The following DMGDH variants were observed in gnomAD, a reference collection of about 807,000 sequenced individuals.
The protein encoded by DMGDH is dimethylglycine dehydrogenase.
In DMGDH, 76 loss-of-function variants were observed where a neutral mutation model predicts 95.2. That is an observed-to-expected ratio of 0.80 (90% CI 0.66 to 0.97). The LOEUF is 0.97. Ranked by LOEUF, DMGDH falls within the 50% of genes least tolerant of loss-of-function variation. The pLI is 0.00. For synonymous variants in DMGDH, 345 were observed against 377.6 expected, an observed-to-expected ratio of 0.91 and a Z score of 1.00; for missense variants, 987 against 1,055.0, an observed-to-expected ratio of 0.94 and a Z score of 0.89.
chr5:79,053,648 C>G (rs1754933039), intron 4 of DMGDH, among the ~76,000 whole-genome samples: 1 of 152,046 alleles, frequency 6.6e-6, no homozygotes, highest in Non-Finnish European at 1.5e-5. Context: ...GGAATTATTA[C>G]CCACTAGGAA....
At chr5:79,044,126 C>T (rs529933654) in intron 6 of DMGDH, among the ~76,000 whole-genome samples, 178 bp downstream of exon 6, 1 of 152,354 alleles carries the variant, frequency 6.6e-6, no homozygotes, top group Non-Finnish European at 1.5e-5. Flanking sequence ...CTACTCCCTG[C>T]TGTGATTGTT....
At chr5:79,056,892 C>A (rs1755049019) in intron 2 of DMGDH, among the ~76,000 whole-genome samples, 1 of 152,186 alleles carries the variant, frequency 6.6e-6, no homozygotes, top group South Asian at 2.1e-4. Context: ...GAATGGCATA[C>A]AATGTGGATT....
intron 2 of DMGDH, among the ~76,000 whole-genome samples, chr5:79,056,246 G>A (rs4318760): frequency 0.6 from 91,252 of 151,948 alleles, 27,962 homozygotes; most frequent in East Asian, 0.78. Flanking sequence ...ATAGTCCTAT[G>A]TATGACTATA....
At chr5:79,045,140 A>G (rs978613600) in intron 5 of DMGDH, among the ~76,000 whole-genome samples, 6 of 152,218 alleles carry the variant, frequency 3.9e-5, no homozygotes, top group African/African-American at 1.4e-4. Flanking sequence ...GAGAAAGCAC[A>G]TTAAGTTTTA....
At position 79,044,500 on chromosome 5, in the gene DMGDH, A is replaced by T. The variant is rs746699361; in HGVS notation, c.798T>A (p.Ile266=). The T allele has an allele frequency of 1.9e-6, 3 of 1,614,166 alleles. No individual in the cohort carries two copies. The highest frequency in any genetic ancestry group is 2.5e-6 in the Non-Finnish European group (3 of 1,180,026). Residue 266 remains isoleucine, a synonymous_variant, in exon 6 of 16, where the codon ATT becomes ATA. Transcript: ENST00000255189. Reference sequence around the variant, plus strand: ...TAACAACATATTGATGTTGAACCGGAATGAGAGGATGTTCTAGTCCAATCA... The same window carrying T: ...TAACAACATATTGATGTTGAACCGGTATGAGAGGATGTTCTAGTCCAATCA... ...GKMIGLEHPL[I]PVQHQYVVTS... is the part of the protein sequence containing the mutation.
At chr5:79,016,050 T>C (rs919203219) in intron 14 of DMGDH, among the ~76,000 whole-genome samples, 1 of 151,990 alleles carries the variant, frequency 6.6e-6, no homozygotes, top group African/African-American at 2.4e-5. Flanking sequence ...TTGGCCAACA[T>C]GGTGAAACCC....
In DMGDH at chr5:79,031,099, CGGGCAGCGGGGAGTG is replaced by C. The variant is rs3214458; in HGVS notation, c.1518-116_1518-102del. On this transcript the variant is annotated intron_variant, in intron 9 of 15. Coordinates refer to ENST00000255189, the MANE Select transcript of DMGDH (RefSeq NM_013391.3). ...AGCCCTACTCATCTAGAAAATCCTA[CGGGCAGCGGGGAGTG>C]GGACTATGGGAGGCGAGACCATGCA... 364,044 of 1,298,362 alleles carry C rather than the reference CGGGCAGCGGGGAGTG, an allele frequency of 0.28. 53,869 individuals are homozygous for C. Among genetic ancestry groups the C allele is most frequent in the African/African-American group, 0.47 (32,128 of 68,032 alleles). The allele number at this position is 1,298,362 out of a possible 1,614,324, so 80.4% of individuals were successfully genotyped here.
intron 15 of DMGDH, among the ~76,000 whole-genome samples, chr5:79,001,362 C>T (rs1753450469): frequency 1.3e-5 from 2 of 152,302 alleles, no homozygotes; most frequent in African/African-American, 4.8e-5. Flanking sequence ...GGGGTTTCAC[C>T]ATGTTGGCCA....
chr5:79,029,870 G>A, intron 11 of DMGDH, 34 bp downstream of exon 11: 2 of 1,609,268 alleles, frequency 1.2e-6, no homozygotes, highest in Non-Finnish European at 1.7e-6. Flanking sequence ...AATATATAAT[G>A]TGTACAAAAT....
In DMGDH at chr5:79,018,039, A is replaced by T. The variant is rs528437091; in HGVS notation, c.2250+6232T>A. Among the ~76,000 whole-genome samples, 39 of 152,348 alleles carry T rather than the reference A, an allele frequency of 2.6e-4. 1 individual carries two copies. The highest frequency in any genetic ancestry group is 9.1e-4 in the African/African-American group (38 of 41,586). ...TCCATACAATGGAATACTACCTGCT[A>T]TAAAAGGGAATTATTATTATTTTTT... On this transcript the variant is annotated intron_variant, in intron 14 of 15. Transcript: ENST00000255189.
intron 14 of DMGDH, among the ~76,000 whole-genome samples, chr5:79,014,528 A>C (rs2112606258): frequency 6.6e-6 from 1 of 152,322 alleles, no homozygotes; most frequent in South Asian, 2.1e-4. Flanking sequence ...AATCAAAGGA[A>C]ATTTTAAAAG....
At chr5:79,060,613 T>C (rs1984685) in intron 2 of DMGDH, among the ~76,000 whole-genome samples, 10,835 of 152,126 alleles carry the variant, frequency 0.071, 859 homozygotes, top group African/African-American at 0.18. Flanking sequence ...TCCACAAATA[T>C]CTCGGTGTTA....
In DMGDH at chr5:79,033,383, C is replaced by G; in HGVS notation, c.1219G>C (p.Val407Leu). Residue 407 changes from valine to leucine, a missense_variant, in exon 8 of 16, where the codon GTA becomes CTA. Physicochemically the swap from Val to Leu is conservative, Grantham distance 32 (BLOSUM62 1). Transcript: ENST00000255189. ...FGYGIIHAGG[V>L]GKYLSDWILH... ...ATCCAGTCACTGAGATATTTCCCTA[C>G]CCCACCAGCGTGGATTATGCCATAT... 6.2e-7 allele frequency: 1 copy of G among 1,614,146 alleles called. No homozygotes were observed. The highest frequency in any genetic ancestry group is 8.5e-7 in the Non-Finnish European group (1 of 1,180,016).
chr5:79,028,919 C>G (rs1246270677), intron 11 of DMGDH, among the ~76,000 whole-genome samples: 1 of 152,150 alleles, frequency 6.6e-6, no homozygotes, highest in Non-Finnish European at 1.5e-5. Flanking sequence ...CTCTGCCACA[C>G]AATTCTTTTA....
chr5:79,026,795 T>C (rs1012656782), intron 12 of DMGDH, among the ~76,000 whole-genome samples: 8 of 152,144 alleles, frequency 5.3e-5, no homozygotes, highest in Admixed American at 3.9e-4. Flanking sequence ...CTGACTCCCA[T>C]GTAGATGGTG....
intron 2 of DMGDH, among the ~76,000 whole-genome samples, chr5:79,056,303 G>A (rs1367956744): frequency 1.3e-5 from 2 of 152,194 alleles, no homozygotes; most frequent in Non-Finnish European, 2.9e-5. Flanking sequence ...ATGAGGTCAA[G>A]AGTTCGAGAC....
At position 79,032,754 on chromosome 5, in the gene DMGDH, T is replaced by C; in HGVS notation, c.1450A>G (p.Met484Val). 6.2e-7 allele frequency: 1 copy of C among 1,614,176 alleles called. No individual in the cohort carries two copies. Among genetic ancestry groups the C allele is most frequent in the Non-Finnish European group, 8.5e-7 (1 of 1,180,034 alleles). The change falls in exon 9 of 16, where the codon ATG becomes GTG. Residue 484 changes from methionine to valine, a missense_variant. Met to Val is a conservative substitution (Grantham distance 21). Coordinates refer to ENST00000255189, the MANE Select transcript of DMGDH (RefSeq NM_013391.3). ...LYQRLESKCS[M>V]GFHAGWEQPH... Reference sequence around the variant, plus strand: ...TGCTCCCAGCCAGCATGGAACCCCATGGAACACTTAGACTCCAGCCTTTGA... The same window carrying C: ...TGCTCCCAGCCAGCATGGAACCCCACGGAACACTTAGACTCCAGCCTTTGA...
Position 79,026,523 on chromosome 5 carries a change from A to G in DMGDH, c.2091T>C (p.Ala697=). Residue 697 remains alanine, a synonymous_variant, in exon 13 of 16, where the codon GCT becomes GCC. Coordinates refer to ENST00000255189, the MANE Select transcript of DMGDH (RefSeq NM_013391.3). ...CCTCCTCCTGGCCTGCATTCATGAT[A>G]GCGTCATACAGCGCCACAGAATCTT... The part of the protein sequence containing the change: ...RREDSVALYD[A]IMNAGQEEGI... The G allele has an allele frequency of 6.2e-7, 1 of 1,614,172 alleles. No homozygotes were observed. The highest frequency in any genetic ancestry group is 2.2e-5 in the East Asian group (1 of 44,886).
Position 79,059,786 on chromosome 5 carries a change from T to C in DMGDH, c.276+3827A>G, listed in dbSNP as rs1485664372. On this transcript the variant is annotated intron_variant, in intron 2 of 15. Transcript: ENST00000255189. Reference sequence around the variant, plus strand: ...TCTGTGAAGGGACAGGCTGCATCTATTTTTTTAAATATATAATCTGCTATG... The same window carrying C: ...TCTGTGAAGGGACAGGCTGCATCTACTTTTTTAAATATATAATCTGCTATG... 1.4e-4 allele frequency among the ~76,000 whole-genome samples: 21 copies of C among 152,196 alleles called. 1 individual carries two copies. The highest frequency in any genetic ancestry group is 1.4e-3 in the Admixed American group (21 of 15,274).
Sources: allele counts gnomAD v4.1 joint callset (sites outside exome capture counted in the v4.1 genomes callset), GRCh38; gene constraint gnomAD v4.1.1; transcripts MANE v1.5; gene names NCBI Gene and HGNC (gene_info 2026-07-23, HGNC 2026-07-21).